Variants in XPA observed in about 807,000 individuals in gnomAD.
The protein encoded by XPA is XPA, DNA damage recognition and repair factor.
A neutral mutation model predicts 35.7 loss-of-function variants in XPA; 27 were observed. The observed-to-expected ratio is 0.76, with a 90% CI of 0.56 to 1.04. XPA has a LOEUF of 1.04. Ranked by LOEUF, XPA falls within the 50% of genes least tolerant of loss-of-function variation. The pLI is 0.00. For synonymous variants in XPA, 133 were observed against 118.4 expected, an observed-to-expected ratio of 1.12 and a Z score of -0.80; for missense variants, 354 against 342.7, an observed-to-expected ratio of 1.03 and a Z score of -0.26.
At chr9:97,667,886 T>C in the XPA span, among the ~76,000 whole-genome samples, 1 of 152,146 alleles carries the variant, frequency 6.6e-6, no homozygotes, top group Non-Finnish European at 1.5e-5. Flanking sequence ...ATCTATTAGG[T>C]AGTAGTGCTC....
At chr9:97,695,827 C>A (rs3176639) in intron 1 of XPA, among the ~76,000 whole-genome samples, 33,765 of 152,162 alleles carry the variant, frequency 0.22, 4,595 homozygotes, top group Non-Finnish European at 0.31. Flanking sequence ...CACAATGCTA[C>A]AATACAGTTC....
chr9:97,681,224 G>C (rs925738127), intron 5 of XPA, among the ~76,000 whole-genome samples: 1 of 152,260 alleles, frequency 6.6e-6, no homozygotes, highest in African/African-American at 2.4e-5. Flanking sequence ...AACTAGCTGC[G>C]AGAGACAAGA....
intron 1 of XPA, among the ~76,000 whole-genome samples, chr9:97,694,092 A>G (rs1828972176): frequency 1.3e-5 from 2 of 152,260 alleles, no homozygotes; most frequent in Non-Finnish European, 2.9e-5. Flanking sequence ...CCTGAAAACT[A>G]CAAAACACTA....
At chr9:97,662,740 G>A in the XPA span, among the ~76,000 whole-genome samples, 2 of 152,244 alleles carry the variant, frequency 1.3e-5, no homozygotes, top group East Asian at 3.9e-4. Flanking sequence ...CTGGGCTAAC[G>A]GTAGTATATT....
intron 4 of XPA, 95 bp from the exon 5 acceptor site, chr9:97,685,135 C>A: frequency 2.2e-6 from 2 of 909,444 alleles, no homozygotes; most frequent in East Asian, 2.6e-5. Flanking sequence ...AAAGAATGAT[C>A]TAACTCAAGT....
the XPA span, chr9:97,658,689 G>A: frequency 1.2e-6 from 2 of 1,613,610 alleles, no homozygotes; most frequent in Non-Finnish European, 1.7e-6. Context: ...TACCTTCTCA[G>A]CTCTGTGTCC....
At chr9:97,683,843 C>T (rs1828621803) in intron 5 of XPA, among the ~76,000 whole-genome samples, 1 of 145,056 alleles carries the variant, frequency 6.9e-6, no homozygotes. Context: ...GTTTTTAAGA[C>T]ATCTGACCTT....
chr9:97,691,886 AATATAT>A (rs55944336), intron 2 of XPA, among the ~76,000 whole-genome samples: 106 of 124,642 alleles, frequency 8.5e-4, no homozygotes, highest in Non-Finnish European at 1.4e-3. Flanking sequence ...TTTCTAAATA[AATATAT>A]ATATATATAT....
At chr9:97,671,866 G>A (rs1046063790), downstream of XPA, 10 of 152,198 alleles carry the variant, frequency 6.6e-5, no homozygotes, top group African/African-American at 2.4e-4. Context: ...CCGTCTGGGG[G>A]TGGAACGCAG....
At chr9:97,684,712 A>G (rs1801376608) in intron 5 of XPA, among the ~76,000 whole-genome samples, 1 of 152,198 alleles carries the variant, frequency 6.6e-6, no homozygotes, top group African/African-American at 2.4e-5. Flanking sequence ...TAAGATGATG[A>G]CGTACATGCT....
chr9:97,676,759 G>C (rs1218000136), intron 5 of XPA, among the ~76,000 whole-genome samples: 1 of 152,112 alleles, frequency 6.6e-6, no homozygotes. Flanking sequence ...AGTTGCTCAA[G>C]GTTATATAGT....
chr9:97,689,877 A>G (rs1250968996), intron 2 of XPA, among the ~76,000 whole-genome samples: 1 of 152,258 alleles, frequency 6.6e-6, no homozygotes. Flanking sequence ...CCAGCCATGT[A>G]CAAGGTACTT....
intron 1 of XPA, among the ~76,000 whole-genome samples, chr9:97,695,510 T>C (rs147021331): frequency 1.4e-4 from 21 of 152,314 alleles, no homozygotes; most frequent in African/African-American, 5.1e-4. Context: ...ATGAATGGAA[T>C]GACAGTAAAC....
the XPA span, chr9:97,668,747 T>A: frequency 7.4e-7 from 1 of 1,354,992 alleles, no homozygotes; most frequent in East Asian, 2.6e-5. Context: ...AATATAAGTC[T>A]TAACATTTGG....
chr9:97,675,910 G>T (rs1828350272), intron 5 of XPA: 1 of 318,288 alleles, frequency 3.1e-6, no homozygotes. Flanking sequence ...GACACATTCA[G>T]GTACGTTTGA....
At chr9:97,686,379 T>G (rs543032196) in intron 4 of XPA, among the ~76,000 whole-genome samples, 61 of 152,224 alleles carry the variant, frequency 4.0e-4, no homozygotes, top group African/African-American at 1.4e-3. Flanking sequence ...GCAAGTGGAG[T>G]TGAGACGATC....
At chr9:97,666,944 G>A in the XPA span, 1 of 1,162,668 alleles carries the variant, frequency 8.6e-7, no homozygotes, top group Non-Finnish European at 1.2e-6. Flanking sequence ...AGGATTCAGA[G>A]TTCATTATCT....
intron 5 of XPA, chr9:97,682,353 G>C (rs142718417): frequency 1.9e-6 from 1 of 518,884 alleles, no homozygotes; most frequent in East Asian, 5.4e-5. Flanking sequence ...TGCACAGTAA[G>C]CTCCTTGTGT....
chr9:97,674,114 C>CCAGTTGGCCCAAGAGCTCCTT (rs1157652927), downstream of XPA, among the ~76,000 whole-genome samples: 1 of 152,056 alleles, frequency 6.6e-6, no homozygotes, highest in Non-Finnish European at 1.5e-5. Flanking sequence ...GAACCTAGAT[C>CCAGTTGGCCCAAGAGCTCCTT]CAGTTGGCCC....
Sources: gnomAD v4.1 joint callset for allele counts (sites outside exome capture counted in the v4.1 genomes callset) on GRCh38, gnomAD v4.1.1 for gene constraint, MANE v1.5 for transcripts, NCBI Gene and HGNC (gene_info 2026-07-23, HGNC 2026-07-21) for gene names.